Variants in ASB15 observed in about 807,000 individuals in gnomAD.
ASB15 encodes ankyrin repeat and SOCS box protein 15.
A neutral mutation model predicts 58.0 loss-of-function variants in ASB15; 54 were observed. The observed-to-expected ratio is 0.93, with a 90% CI of 0.75 to 1.17. The LOEUF (loss-of-function observed/expected upper bound fraction) is 1.17. Ranked by LOEUF, ASB15 falls within the 50% of genes most tolerant of loss-of-function variation. ASB15 has a pLI of 0.00. For missense variants in ASB15, 680 were observed against 707.4 expected (o/e 0.96, Z 0.44); for synonymous variants, 249 against 262.4 (o/e 0.95, Z 0.50).
intron 1 of ASB15, among the ~76,000 whole-genome samples, chr7:123,591,008 C>A (rs1167970970): frequency 6.6e-6 from 1 of 152,116 alleles, no homozygotes; most frequent in African/African-American, 2.4e-5. Context: ...TTGAAGAGGT[C>A]CTTCACGTCC....
upstream of ASB15, among the ~76,000 whole-genome samples, chr7:123,599,806 T>C (rs185642073): frequency 1.3e-5 from 2 of 152,288 alleles, no homozygotes; most frequent in African/African-American, 4.8e-5. Flanking sequence ...GTCAGTGTCA[T>C]TTTGTATACC....
At chr7:123,630,797 A>C (rs952227270) in intron 11 of ASB15, among the ~76,000 whole-genome samples, 3 of 152,240 alleles carry the variant, frequency 2.0e-5, no homozygotes, top group Non-Finnish European at 2.9e-5. Flanking sequence ...CATCAATTTC[A>C]TGAAGCCTAA....
At chr7:123,598,612 A>T (rs964787319), upstream of ASB15, among the ~76,000 whole-genome samples, 3 of 152,236 alleles carry the variant, frequency 2.0e-5, no homozygotes, top group Non-Finnish European at 4.4e-5. Flanking sequence ...CCATTTGAAC[A>T]AGTCATCAGT....
At position 123,605,172 on chromosome 7, in the gene ASB15, A is replaced by G. The variant is rs557623094; in HGVS notation, c.-64+960A>G. Among the ~76,000 whole-genome samples the G allele has an allele frequency of 2.0e-5, 3 of 152,334 alleles. No individual in the cohort carries two copies. In the East Asian group the frequency reaches 5.8e-4, roughly 29 times the overall value. On this transcript the variant is annotated intron_variant, in intron 2 of 11. Transcript: ENST00000451215. ...ATGCCAGGAATGAATATTTTTGGAG[A>G]GAATATATGCATATATATTTGTATA...
chr7:123,613,474 A>G (rs1800590769), intron 3 of ASB15, among the ~76,000 whole-genome samples: 1 of 152,232 alleles, frequency 6.6e-6, no homozygotes, highest in Non-Finnish European at 1.5e-5. Flanking sequence ...AATTGACTCA[A>G]TAGTAAAGAG....
chr7:123,571,869 A>G (rs753528267), intron 1 of ASB15, among the ~76,000 whole-genome samples: 13 of 152,010 alleles, frequency 8.6e-5, no homozygotes, highest in Non-Finnish European at 1.8e-4. Context: ...GGCCCGAGTG[A>G]TCCTCCTGTT....
intron 1 of ASB15, among the ~76,000 whole-genome samples, chr7:123,569,735 T>G (rs1261587555): frequency 6.6e-6 from 1 of 152,222 alleles, no homozygotes; most frequent in Non-Finnish European, 1.5e-5. Flanking sequence ...GGAATTTACA[T>G]ATCTTAAATG....
intron 2 of ASB15, among the ~76,000 whole-genome samples, chr7:123,608,216 C>T (rs1334925178): frequency 1.3e-5 from 2 of 151,942 alleles, no homozygotes; most frequent in East Asian, 1.9e-4. Context: ...AGTATATTTG[C>T]ATAGAAATTA....
chr7:123,606,366 A>G (rs1355639748), intron 2 of ASB15, among the ~76,000 whole-genome samples: 1 of 152,170 alleles, frequency 6.6e-6, no homozygotes, highest in Non-Finnish European at 1.5e-5. Context: ...GAGGTCACCA[A>G]GGTTCCTGGC....
At chr7:123,621,531 C>T (rs1431952829) in intron 7 of ASB15, 1 of 152,152 alleles carries the variant, frequency 6.6e-6, no homozygotes, top group Non-Finnish European at 1.5e-5. Context: ...AATCCCTTAA[C>T]TTGTAGAGGA....
chr7:123,623,909 A>AAGAAT (rs1801519869), intron 7 of ASB15, among the ~76,000 whole-genome samples: 6 of 119,868 alleles, frequency 5.0e-5, no homozygotes, highest in African/African-American at 1.9e-4. Flanking sequence ...AATGGAAGGA[A>AAGAAT]GGAAGGAAGG....
At chr7:123,585,056 A>G (rs1799339254) in intron 1 of ASB15, 1 of 151,784 alleles carries the variant, frequency 6.6e-6, no homozygotes, top group East Asian at 1.9e-4. Context: ...TTACGAGGAA[A>G]GATCTTCCCT....
intron 7 of ASB15, among the ~76,000 whole-genome samples, chr7:123,623,905 A>G (rs375123337): frequency 2.3e-4 from 3 of 13,204 alleles, no homozygotes; most frequent in Non-Finnish European, 3.9e-4. Flanking sequence ...AAAGAATGGA[A>G]GGAAGGAAGG....
At chr7:123,595,775 T>C (rs1239734693) in intron 1 of ASB15, among the ~76,000 whole-genome samples, 4 of 152,200 alleles carry the variant, frequency 2.6e-5, no homozygotes, top group African/African-American at 9.6e-5. Flanking sequence ...AGTGAGCCAA[T>C]TCACTATCAT....
intron 7 of ASB15, among the ~76,000 whole-genome samples, chr7:123,618,487 A>G (rs1800974000): frequency 6.6e-6 from 1 of 152,178 alleles, no homozygotes; most frequent in South Asian, 2.1e-4. Context: ...TATAAAATGG[A>G]AATACAACAC....
At chr7:123,627,768 C>T (rs145291999) in intron 9 of ASB15, among the ~76,000 whole-genome samples, 54 of 152,158 alleles carry the variant, frequency 3.5e-4, no homozygotes, top group African/African-American at 1.2e-3. Flanking sequence ...TTATTCCATA[C>T]GAACGGTTGA....
intron 11 of ASB15, among the ~76,000 whole-genome samples, chr7:123,634,740 A>AT (rs1802322332): frequency 6.6e-6 from 1 of 152,236 alleles, no homozygotes; most frequent in Non-Finnish European, 1.5e-5. Context: ...ATTCTAAATA[A>AT]TTTAAAAAGA....
At chr7:123,602,414 C>T (rs892872279) in intron 1 of ASB15, among the ~76,000 whole-genome samples, 4 of 151,936 alleles carry the variant, frequency 2.6e-5, no homozygotes, top group African/African-American at 9.7e-5. Flanking sequence ...AAATTTACTC[C>T]TGCAAATTAT....
chr7:123,623,987 G>A (rs1801587880), intron 7 of ASB15, among the ~76,000 whole-genome samples: 2 of 128,570 alleles, frequency 1.6e-5, no homozygotes, highest in African/African-American at 2.8e-5. Flanking sequence ...AAGAAAGAAA[G>A]AAAGAAAGAG....
Sources: allele counts gnomAD v4.1 joint callset (sites outside exome capture counted in the v4.1 genomes callset), GRCh38; gene constraint gnomAD v4.1.1; transcripts MANE v1.5; gene names NCBI Gene and HGNC (gene_info 2026-07-23, HGNC 2026-07-21).